The following LRIG1 variants were observed in gnomAD, a reference collection of about 807,000 sequenced individuals.
LRIG1 encodes leucine-rich repeats and immunoglobulin-like domains protein 1.
A neutral mutation model predicts 99.2 loss-of-function variants in LRIG1; 48 were observed. The ratio of observed to expected loss-of-function variants is 0.48; its 90% CI spans 0.38 to 0.62. The LOEUF is 0.62. Among genes scored for constraint, LRIG1 ranks in the 20% least tolerant of loss-of-function variants. The pLI, the probability that LRIG1 is intolerant of heterozygous loss-of-function variation, is 0.00. For missense variants in LRIG1, 1,646 were observed against 1,434.4 expected (o/e 1.15, Z -2.38); for synonymous variants, 772 against 596.1 (o/e 1.29, Z -4.30).
In LRIG1 at chr3:66,500,854, C is replaced by G. The variant is rs1198369790; in HGVS notation, c.-447G>C. The G allele has an allele frequency of 6.6e-6, 1 of 152,104 alleles. No individual in the cohort carries two copies. Among genetic ancestry groups the G allele is most frequent in the Non-Finnish European group, 1.5e-5 (1 of 68,160 alleles). The allele number at this position is 152,104 out of a possible 1,614,324, so 9.4% of individuals were successfully genotyped here. On this transcript the variant is annotated 5_prime_UTR_variant, in exon 1 of 19. Coordinates refer to ENST00000273261, the MANE Select transcript of LRIG1 (RefSeq NM_015541.3). ...GGGCTCGGAGCGCAAAGCCGTAGAC[C>G]TCGGGCTGGACGGCGCGGCCGGCCC...
At chr3:66,382,657 C>CAGAAGT (rs1428201635) in intron 15 of LRIG1, among the ~76,000 whole-genome samples, 1 of 152,194 alleles carries the variant, frequency 6.6e-6, no homozygotes, top group African/African-American at 2.4e-5. Flanking sequence ...CCGGGGCTCA[C>CAGAAGT]AGAAGTACCG....
chr3:66,444,115 C>A (rs1311895862), intron 3 of LRIG1, among the ~76,000 whole-genome samples: 1 of 152,194 alleles, frequency 6.6e-6, no homozygotes, highest in Non-Finnish European at 1.5e-5. Context: ...CTGACTCCTG[C>A]CGGGGGAGAG....
Position 66,500,532 on chromosome 3 carries a change from C to A in LRIG1, c.-125G>T. The A allele has an allele frequency of 2.2e-6, 1 of 463,552 alleles. No individual in the cohort carries two copies. Among genetic ancestry groups the A allele is most frequent in the Non-Finnish European group, 3.5e-6 (1 of 287,240 alleles). 28.7% of individuals were successfully genotyped at this position (463,552 alleles called of 1,614,324 possible). A position where few individuals can be genotyped will look rare whatever the true frequency, so the allele number is the denominator to read the frequency against. ...ACTCCGCACCGGGGCATGGCCCCCGCCCCAAGTTCTCTCTGCGGCCGCGGC... is the reference window on the plus strand; with the variant it reads ...ACTCCGCACCGGGGCATGGCCCCCGACCCAAGTTCTCTCTGCGGCCGCGGC... On this transcript the variant is annotated 5_prime_UTR_variant, in exon 1 of 19. Coordinates refer to ENST00000273261, the MANE Select transcript of LRIG1 (RefSeq NM_015541.3).
intron 5 of LRIG1, among the ~76,000 whole-genome samples, chr3:66,413,558 G>A (rs183084654): frequency 7.2e-5 from 11 of 152,312 alleles, no homozygotes; most frequent in African/African-American, 2.4e-4. Flanking sequence ...AGATGGGGTA[G>A]AGACACCCCA....
At chr3:66,425,901 A>T (rs532621731) in intron 3 of LRIG1, among the ~76,000 whole-genome samples, 1 of 152,384 alleles carries the variant, frequency 6.6e-6, no homozygotes, top group South Asian at 2.1e-4. Context: ...CCAGTTGGCT[A>T]CATTTTCAGA....
chr3:66,406,533 C>G (rs1206928997), intron 8 of LRIG1: 2 of 452,766 alleles, frequency 4.4e-6, no homozygotes, highest in Non-Finnish European at 5.8e-6. Flanking sequence ...GCCTCCCTCC[C>G]TGTCACACTG....
chr3:66,449,293 G>GA (rs1703824005), intron 3 of LRIG1, among the ~76,000 whole-genome samples: 1 of 152,306 alleles, frequency 6.6e-6, no homozygotes, highest in East Asian at 1.9e-4. Flanking sequence ...GCACCTCAGA[G>GA]AAAACCAAGA....
At chr3:66,453,831 C>T (rs914443601) in intron 2 of LRIG1, among the ~76,000 whole-genome samples, 7 of 152,182 alleles carry the variant, frequency 4.6e-5, no homozygotes, top group Middle Eastern at 3.2e-3. Flanking sequence ...TGAAACAAAG[C>T]GTATGGACTT....
At chr3:66,465,345 ACT>A (rs1161969022) in intron 1 of LRIG1, among the ~76,000 whole-genome samples, 1 of 150,266 alleles carries the variant, frequency 6.7e-6, no homozygotes, top group Non-Finnish European at 1.5e-5. Flanking sequence ...AAGAAGACAA[ACT>A]CTGAGCATAA....
intron 2 of LRIG1, among the ~76,000 whole-genome samples, chr3:66,455,111 ATTTTT>A (rs558627149): frequency 1.3e-5 from 2 of 152,168 alleles, no homozygotes; most frequent in South Asian, 4.2e-4. Flanking sequence ...CACTCAGCTA[ATTTTT>A]TTATTTTTAG....
intron 3 of LRIG1, among the ~76,000 whole-genome samples, chr3:66,427,704 TG>T (rs2106732430): frequency 6.6e-6 from 1 of 152,368 alleles, no homozygotes; most frequent in African/African-American, 2.4e-5. Context: ...GCAGTTGTTT[TG>T]TTTGTAAACA....
chr3:66,380,213 CCTCT>C lies in LRIG1; in HGVS notation c.*46_*49del. On this transcript the variant is annotated 3_prime_UTR_variant, in exon 19 of 19. Transcript: ENST00000273261. ...CCAAGCTTCCTCGCAGCCTCTCCTA[CCTCT>C]CTTTCCCGTAGAGATTGGTATGACA... The C allele has an allele frequency of 6.7e-7, 1 of 1,498,488 alleles. No homozygotes were observed. Among genetic ancestry groups the C allele is most frequent in the Non-Finnish European group, 9.1e-7 (1 of 1,099,056 alleles). The allele number at this position is 1,498,488 out of a possible 1,614,324, so 92.8% of individuals were successfully genotyped here. A position where few individuals can be genotyped will look rare whatever the true frequency, so the allele number is the denominator to read the frequency against.
intron 1 of LRIG1, among the ~76,000 whole-genome samples, chr3:66,474,593 G>A (rs1204438890): frequency 2.0e-5 from 3 of 152,074 alleles, no homozygotes; most frequent in Non-Finnish European, 4.4e-5. Context: ...TGATCCGCCC[G>A]CCTCGGCCTC....
At chr3:66,386,908 T>A (rs1701402207) in intron 12 of LRIG1, 1 of 151,974 alleles carries the variant, frequency 6.6e-6, no homozygotes, top group Non-Finnish European at 1.5e-5. Context: ...AGCCCCATTC[T>A]TCCCTCCCCA....
chr3:66,452,847 T>C lies in LRIG1; in HGVS notation c.291-1214A>G, dbSNP rs530509832. 1.8e-4 allele frequency among the ~76,000 whole-genome samples: 28 copies of C among 152,292 alleles called. 1 individual carries two copies. The East Asian group carries it at 4.8e-3, about 26-fold the overall frequency. On this transcript the variant is annotated intron_variant, in intron 2 of 18. Coordinates refer to ENST00000273261, the MANE Select transcript of LRIG1 (RefSeq NM_015541.3). ...TTGGCAATTACTGGGCTGTGGGACA[T>C]AGAATGCCTGTTTCAATAGCTTCAT...
intron 1 of LRIG1, among the ~76,000 whole-genome samples, chr3:66,476,818 T>C (rs1700732731): frequency 1.3e-5 from 2 of 152,254 alleles, no homozygotes; most frequent in Admixed American, 1.3e-4. Flanking sequence ...CACTGGTATC[T>C]ATACCAAAAT....
intron 1 of LRIG1, among the ~76,000 whole-genome samples, chr3:66,465,688 GT>G (rs1381367941): frequency 1.3e-5 from 2 of 151,962 alleles, no homozygotes; most frequent in African/African-American, 2.4e-5. Flanking sequence ...TTTTAATGTG[GT>G]AAAATACATA....
rs139171178 is a variant in LRIG1 at position 66,380,731 on chromosome 3, C to T, written c.2901G>A (p.Pro967=). Residue 967 remains proline (P), a synonymous_variant, in exon 18 of 19, where the codon CCG becomes CCA. Coordinates refer to ENST00000273261, the MANE Select transcript of LRIG1 (RefSeq NM_015541.3). The part of the protein sequence containing the change: ...AQPSAPNGPE[P]GGSDQEHSPH... The stretch of plus-strand genomic sequence containing the variant: ...GAGAATGCTCTTGGTCACTCCCACC[C>T]GGCTCCGGGCCATTTGGCGCACTTG... 1.6e-5 allele frequency: 26 copies of T among 1,614,074 alleles called. No homozygotes were observed. Among genetic ancestry groups the T allele is most frequent in the Admixed American group, 5.0e-5 (3 of 60,014 alleles).
At chr3:66,394,455 G>C (rs1373535008) in intron 11 of LRIG1, among the ~76,000 whole-genome samples, 4 of 152,208 alleles carry the variant, frequency 2.6e-5, no homozygotes, top group Non-Finnish European at 5.9e-5. Context: ...CTGCTAACAA[G>C]TTCACGTATC....
Sources: gnomAD v4.1 joint callset for allele counts (sites outside exome capture counted in the v4.1 genomes callset) on GRCh38, gnomAD v4.1.1 for gene constraint, MANE v1.5 for transcripts, NCBI Gene and HGNC (gene_info 2026-07-23, HGNC 2026-07-21) for gene names.